Variants in LAMA2 observed in about 807,000 individuals in gnomAD.
The protein encoded by LAMA2 is laminin subunit alpha 2, also known as laminin subunit alpha-2.
In LAMA2, 269 loss-of-function variants were observed where a neutral mutation model predicts 364.8. The ratio of observed to expected loss-of-function variants is 0.74; its 90% CI spans 0.67 to 0.82. The LOEUF is 0.82. Ranked by LOEUF, LAMA2 falls within the 40% of genes least tolerant of loss-of-function variation. The probability of loss-of-function intolerance (pLI) is 0.00; values close to 1 mark genes in which losing one functional copy is unlikely to be tolerated. For synonymous variants in LAMA2, 1,379 were observed against 1,370.6 expected (o/e 1.01, Z -0.14); for missense variants, 3,807 against 3,873.2 (o/e 0.98, Z 0.45).
chr6:129,409,539 G>A (rs1780419724), intron 40 of LAMA2, among the ~76,000 whole-genome samples: 1 of 152,210 alleles, frequency 6.6e-6, no homozygotes, highest in Admixed American at 6.5e-5. Context: ...GGCAGTTTAG[G>A]TTGCATGGTG....
intron 19 of LAMA2, among the ~76,000 whole-genome samples, chr6:129,288,824 G>A (rs1789478935): frequency 6.6e-6 from 1 of 152,136 alleles, no homozygotes; most frequent in Non-Finnish European, 1.5e-5. Context: ...TCCAATGTTA[G>A]CATTTGGCCA....
intron 3 of LAMA2, among the ~76,000 whole-genome samples, chr6:129,069,156 G>C (rs548870269): frequency 6.6e-6 from 1 of 152,000 alleles, no homozygotes; most frequent in African/African-American, 2.4e-5. Flanking sequence ...TAAAAAATCT[G>C]TGAGGAAAGA....
chr6:129,327,540 C>T (rs1562462948), intron 28 of LAMA2, among the ~76,000 whole-genome samples: 1 of 152,130 alleles, frequency 6.6e-6, no homozygotes, highest in Non-Finnish European at 1.5e-5. Flanking sequence ...GAGGACTGAG[C>T]CTGAAACACA....
chr6:129,227,324 C>G (rs1784365158), intron 12 of LAMA2, among the ~76,000 whole-genome samples: 1 of 152,176 alleles, frequency 6.6e-6, no homozygotes, highest in Admixed American at 6.5e-5. Flanking sequence ...GCCTTCTTCT[C>G]TCAACTCCTC....
chr6:129,341,528 A>G (rs1776266127), intron 29 of LAMA2, among the ~76,000 whole-genome samples: 1 of 151,980 alleles, frequency 6.6e-6, no homozygotes, highest in South Asian at 2.1e-4. Context: ...TGCCATGTTT[A>G]TTTTTTGTCA....
chr6:128,943,075 G>GTT (rs1203371480), intron 1 of LAMA2, among the ~76,000 whole-genome samples: 3 of 151,946 alleles, frequency 2.0e-5, no homozygotes, highest in African/African-American at 4.8e-5. Flanking sequence ...AGACATATAG[G>GTT]TTTTATTTCT....
At chr6:129,177,558 C>T (rs1780669830) in intron 9 of LAMA2, 148 bp from the exon 10 acceptor site, 1 of 730,006 alleles carries the variant, frequency 1.4e-6, no homozygotes, top group Non-Finnish European at 2.3e-6. Context: ...ACCCTCTACT[C>T]TTTGGTTTTA....
intron 1 of LAMA2, among the ~76,000 whole-genome samples, chr6:129,047,191 TA>T (rs201633660): frequency 0.014 from 2,053 of 151,374 alleles, 58 homozygotes; most frequent in African/African-American, 0.047. Context: ...ATGGAAAAGA[TA>T]AAAAAAAATA....
At chr6:129,460,127 T>C (rs773209534) in intron 48 of LAMA2, 73 bp from the exon 49 acceptor site, 1 of 1,409,262 alleles carries the variant, frequency 7.1e-7, no homozygotes, top group Non-Finnish European at 1.0e-6. Context: ...CTGCTGATAA[T>C]AACTCTCATG....
At chr6:129,134,552 AG>A (rs1345078517) in intron 4 of LAMA2, among the ~76,000 whole-genome samples, 2 of 152,122 alleles carry the variant, frequency 1.3e-5, no homozygotes. Context: ...TGGAATTGAC[AG>A]GGGGGATGGG....
At chr6:129,047,026 TACAG>T (rs1306796600) in intron 1 of LAMA2, among the ~76,000 whole-genome samples, 3 of 152,206 alleles carry the variant, frequency 2.0e-5, no homozygotes, top group Non-Finnish European at 2.9e-5. Flanking sequence ...TAGAAAGATA[TACAG>T]ACAAACTTTA....
intron 45 of LAMA2, among the ~76,000 whole-genome samples, chr6:129,450,721 G>A (rs143180104): frequency 6.6e-6 from 1 of 152,300 alleles, no homozygotes; most frequent in East Asian, 1.9e-4. Flanking sequence ...TAAAAATGAA[G>A]TAAACTACAT....
chr6:128,941,848 G>A (rs906446109), intron 1 of LAMA2, among the ~76,000 whole-genome samples: 9 of 152,118 alleles, frequency 5.9e-5, no homozygotes, highest in Non-Finnish European at 1.0e-4. Context: ...GCAGTTAGAC[G>A]TCATCACTGA....
chr6:129,222,714 T>G (rs1054499520), intron 12 of LAMA2, among the ~76,000 whole-genome samples: 1 of 152,130 alleles, frequency 6.6e-6, no homozygotes, highest in African/African-American at 2.4e-5. Flanking sequence ...GGTGTATACA[T>G]GCCACATTTT....
At chr6:129,083,895 A>T (rs1774218195) in intron 3 of LAMA2, among the ~76,000 whole-genome samples, 1 of 152,216 alleles carries the variant, frequency 6.6e-6, no homozygotes, top group Admixed American at 6.5e-5. Flanking sequence ...TGTAATCCTC[A>T]CAACTTTATG....
Position 129,440,968 on chromosome 6 carries a change from A to AAAG in LAMA2, c.6239_6240insAGA (p.Asn2080delinsLysAsp), listed in dbSNP as rs1291611914. 1.2e-6 allele frequency: 2 copies of AAAG among 1,613,780 alleles called. 1 individual carries two copies. The highest frequency in any genetic ancestry group is 1.7e-6 in the Non-Finnish European group (2 of 1,179,776). ...ACTAGCAGACAGCGTCGCCAAAACG[A>AAAG]ATGCTGTGGTTAAAGATCCTTCCAA... On this transcript the variant is annotated protein_altering_variant, in exon 43 of 65. Coordinates refer to ENST00000421865, the MANE Select transcript of LAMA2 (RefSeq NM_000426.4).
At chr6:129,398,641 A>C (rs1456458614) in intron 37 of LAMA2, among the ~76,000 whole-genome samples, 1 of 151,344 alleles carries the variant, frequency 6.6e-6, no homozygotes, top group Non-Finnish European at 1.5e-5. Flanking sequence ...CACCCAGCTA[A>C]TTTTGTATTT....
intron 1 of LAMA2, among the ~76,000 whole-genome samples, chr6:129,040,856 T>C (rs551488023): frequency 1.5e-3 from 228 of 152,242 alleles, no homozygotes; most frequent in Non-Finnish European, 2.9e-3. Flanking sequence ...AAATATATCA[T>C]AGGACTTGTA....
intron 29 of LAMA2, among the ~76,000 whole-genome samples, chr6:129,337,239 G>A (rs551824726): frequency 6.6e-6 from 1 of 152,210 alleles, no homozygotes; most frequent in South Asian, 2.1e-4. Flanking sequence ...GCCAACACAG[G>A]GCATTGCTAT....
Sources: gnomAD v4.1 joint callset for allele counts (sites outside exome capture counted in the v4.1 genomes callset) on GRCh38, gnomAD v4.1.1 for gene constraint, MANE v1.5 for transcripts, NCBI Gene and HGNC (gene_info 2026-07-23, HGNC 2026-07-21) for gene names.